The following PLEKHD1 variants were observed in gnomAD, a reference collection of about 807,000 sequenced individuals.
The protein encoded by PLEKHD1 is pleckstrin homology domain-containing family D member 1.
Under a neutral mutation model 69.2 loss-of-function variants are expected in PLEKHD1, and 51 were observed. That is an observed-to-expected ratio of 0.74 (90% CI 0.59 to 0.93). The LOEUF (loss-of-function observed/expected upper bound fraction) is 0.93, where lower values mean the gene tolerates loss of function less well. Ranked by LOEUF, PLEKHD1 falls within the 40% of genes least tolerant of loss-of-function variation. PLEKHD1 has a pLI of 0.00. For missense variants in PLEKHD1, 584 were observed against 641.0 expected, an observed-to-expected ratio of 0.91 and a Z score of 0.96; for synonymous variants, 236 against 244.7, an observed-to-expected ratio of 0.96 and a Z score of 0.33.
the PLEKHD1 span, among the ~76,000 whole-genome samples, chr14:69,469,579 T>C: frequency 2.6e-5 from 4 of 152,058 alleles, no homozygotes; most frequent in Admixed American, 2.6e-4. Context: ...CTGGATAATT[T>C]TTTAATTTTT....
chr14:69,472,409 A>G, the PLEKHD1 span, among the ~76,000 whole-genome samples: 1 of 152,172 alleles, frequency 6.6e-6, no homozygotes, highest in Non-Finnish European at 1.5e-5. Context: ...CATTAGGCTT[A>G]CCGGGACCGC....
upstream of PLEKHD1, among the ~76,000 whole-genome samples, chr14:69,480,657 T>TTTTTTCC (rs1882525519): frequency 6.6e-6 from 1 of 151,674 alleles, no homozygotes; most frequent in South Asian, 2.1e-4. Flanking sequence ...TAAGATTTTT[T>TTTTTTCC]TTTTTCTTTT....
At chr14:69,502,110 C>G (rs961426164) in intron 5 of PLEKHD1, 13 of 274,256 alleles carry the variant, frequency 4.7e-5, no homozygotes, top group African/African-American at 2.8e-4. Context: ...CTCAGCCTCT[C>G]TAAGCCTCAA....
intron 6 of PLEKHD1, among the ~76,000 whole-genome samples, chr14:69,505,898 T>C (rs1883141332): frequency 6.6e-6 from 1 of 152,150 alleles, no homozygotes; most frequent in African/African-American, 2.4e-5. Context: ...TCTGGCCTTA[T>C]CCCTCTCACC....
At chr14:69,475,700 C>A in the PLEKHD1 span, among the ~76,000 whole-genome samples, 1 of 152,186 alleles carries the variant, frequency 6.6e-6, no homozygotes, top group Non-Finnish European at 1.5e-5. Flanking sequence ...CCCGGGGGAC[C>A]CTACTCCCCA....
chr14:69,483,497 G>A (rs945157266), upstream of PLEKHD1, among the ~76,000 whole-genome samples: 5 of 152,072 alleles, frequency 3.3e-5, no homozygotes, highest in African/African-American at 1.2e-4. Context: ...ACTATAAAGG[G>A]GCATGAAGAA....
rs1883535585 is a variant in PLEKHD1 at position 69,522,322 on chromosome 14, C to CTG, written c.595_596insTG (p.Gln199LeufsTer11). On this transcript the variant is annotated frameshift_variant, in exon 7 of 13. Coordinates refer to ENST00000322564, the MANE Select transcript of PLEKHD1 (RefSeq NM_001161498.2). LOFTEE classifies it high-confidence loss of function. ...TAACCAGGTGCTGGAGGCCGAGAAG[C>CTG]AGCAGTTCGAGGAGGTGGTGCAGGA... 1 of 1,551,478 alleles carries CTG rather than the reference C, an allele frequency of 6.4e-7. No homozygotes were observed. The highest frequency in any genetic ancestry group is 1.4e-5 in the African/African-American group (1 of 73,032).
intron 6 of PLEKHD1, among the ~76,000 whole-genome samples, chr14:69,506,891 CTTTTTTT>C (rs1162412450): frequency 2.2e-4 from 17 of 78,064 alleles, no homozygotes; most frequent in Admixed American, 7.5e-4. Flanking sequence ...CTGGCAACTG[CTTTTTTT>C]TTTTTTTTTT....
chr14:69,522,561 T>G (rs1594992364), intron 7 of PLEKHD1, among the ~76,000 whole-genome samples, 184 bp downstream of exon 7: 1 of 152,126 alleles, frequency 6.6e-6, no homozygotes, highest in Non-Finnish European at 1.5e-5. Flanking sequence ...CAGAAGAATC[T>G]GTAGACTCCC....
chr14:69,526,135 C>G lies in PLEKHD1; in HGVS notation c.923+13C>G. 1 of 1,544,942 alleles carries G rather than the reference C, an allele frequency of 6.5e-7. No individual in the cohort carries two copies. Among genetic ancestry groups the G allele is most frequent in the Non-Finnish European group, 8.7e-7 (1 of 1,144,594 alleles). Reference sequence around the variant, plus strand: ...TGGCAGAGAAGCGGTGAGGGAGCCCCGACCCCTGAAGACACCATTGACTTT... The same window carrying G: ...TGGCAGAGAAGCGGTGAGGGAGCCCGGACCCCTGAAGACACCATTGACTTT... On this transcript the variant is annotated intron_variant, in intron 9 of 12. Transcript: ENST00000322564.
chr14:69,482,893 T>TAAA (rs200607778), upstream of PLEKHD1, among the ~76,000 whole-genome samples: 15 of 129,862 alleles, frequency 1.2e-4, no homozygotes, highest in African/African-American at 3.8e-4. Context: ...CCCATCTCTC[T>TAAA]AAAAAAAAAA....
intron 6 of PLEKHD1, among the ~76,000 whole-genome samples, chr14:69,510,255 G>A (rs963691277): frequency 2.0e-4 from 30 of 152,276 alleles, no homozygotes; most frequent in Admixed American, 1.9e-3. Flanking sequence ...TTTTAATTGA[G>A]ATTGTATTGA....
chr14:69,522,349 C>T lies in PLEKHD1; in HGVS notation c.622C>T (p.Leu208=). The T allele has an allele frequency of 6.4e-7, 1 of 1,551,532 alleles. No individual in the cohort carries two copies. The highest frequency in any genetic ancestry group is 8.7e-7 in the Non-Finnish European group (1 of 1,146,946). ...GCAGTTCGAGGAGGTGGTGCAGGAG[C>T]TGAGAATGGAGCAGGAGCAGATCAA... ...KQQFEEVVQE[L]RMEQEQIKRE... Residue 208 remains leucine (L), a synonymous_variant, in exon 7 of 13, where the codon CTG becomes TTG. Coordinates refer to ENST00000322564, the MANE Select transcript of PLEKHD1 (RefSeq NM_001161498.2).
At chr14:69,478,127 A>G in the PLEKHD1 span, among the ~76,000 whole-genome samples, 1 of 152,222 alleles carries the variant, frequency 6.6e-6, no homozygotes, top group East Asian at 1.9e-4. Context: ...CTGCACTTGC[A>G]GGCTCAACAC....
intron 7 of PLEKHD1, 146 bp from the exon 8 acceptor site, chr14:69,524,083 G>T: frequency 1.6e-6 from 1 of 611,360 alleles, no homozygotes. Context: ...GCTGCTGTCA[G>T]GGCCCAGCTG....
intron 7 of PLEKHD1, 29 bp downstream of exon 7, chr14:69,522,406 G>A: frequency 6.5e-7 from 1 of 1,549,314 alleles, no homozygotes. Flanking sequence ...AATTGGGGGT[G>A]CCACTAAGTT....
At chr14:69,514,593 T>G (rs1179230343) in intron 6 of PLEKHD1, among the ~76,000 whole-genome samples, 1 of 152,204 alleles carries the variant, frequency 6.6e-6, no homozygotes, top group Non-Finnish European at 1.5e-5. Context: ...TTGCTCTATC[T>G]CTTCAAATTG....
intron 6 of PLEKHD1, among the ~76,000 whole-genome samples, chr14:69,521,493 G>A (rs1883512931): frequency 6.6e-6 from 1 of 152,210 alleles, no homozygotes; most frequent in South Asian, 2.1e-4. Context: ...AGATGAGAAA[G>A]GAAGTGAATG....
At chr14:69,468,683 C>T in the PLEKHD1 span, among the ~76,000 whole-genome samples, 255 of 152,208 alleles carry the variant, frequency 1.7e-3, 4 homozygotes, top group Middle Eastern at 3.4e-3. Context: ...TGAGCTCCAG[C>T]GATCCTCCCA....
Sources: gnomAD v4.1 joint callset for allele counts (sites outside exome capture counted in the v4.1 genomes callset) on GRCh38, gnomAD v4.1.1 for gene constraint, MANE v1.5 for transcripts, NCBI Gene and HGNC (gene_info 2026-07-23, HGNC 2026-07-21) for gene names.